Variants in MCTP1 observed in about 807,000 individuals in gnomAD.
MCTP1 encodes multiple C2 and transmembrane domain-containing protein 1.
MCTP1 carries 69 observed loss-of-function variants against 120.6 expected under a neutral mutation model. That is an observed-to-expected ratio of 0.57 (90% CI 0.47 to 0.70). The LOEUF is 0.70. Ranked by LOEUF, MCTP1 falls within the 30% of genes least tolerant of loss-of-function variation. MCTP1 has a pLI of 0.00. For synonymous variants in MCTP1, 529 were observed against 493.1 expected, an observed-to-expected ratio of 1.07 and a Z score of -0.96; for missense variants, 1,203 against 1,248.8, an observed-to-expected ratio of 0.96 and a Z score of 0.55.
At chr5:94,834,377 C>T (rs112413280) in intron 17 of MCTP1, among the ~76,000 whole-genome samples, 3 of 152,178 alleles carry the variant, frequency 2.0e-5, no homozygotes, top group African/African-American at 4.8e-5. Flanking sequence ...AATATTCAAA[C>T]ATATTCTAGA....
intron 1 of MCTP1, among the ~76,000 whole-genome samples, chr5:95,213,150 A>C (rs1752604266): frequency 6.6e-6 from 1 of 152,206 alleles, no homozygotes. Flanking sequence ...TAAGCTGATA[A>C]GCAACTTCAG....
At chr5:94,896,907 G>A (rs1282818827) in intron 10 of MCTP1, among the ~76,000 whole-genome samples, 1 of 152,102 alleles carries the variant, frequency 6.6e-6, no homozygotes, top group African/African-American at 2.4e-5. Context: ...GAGACATACA[G>A]TTAGTTATTA....
intron 17 of MCTP1, among the ~76,000 whole-genome samples, chr5:94,851,910 T>A (rs1036778888): frequency 1.3e-5 from 2 of 151,916 alleles, no homozygotes; most frequent in Non-Finnish European, 2.9e-5. Context: ...TTCCCTACTA[T>A]TGCAGTCTCA....
At chr5:94,928,102 TATC>T (rs1047704107) in intron 6 of MCTP1, among the ~76,000 whole-genome samples, 6 of 152,214 alleles carry the variant, frequency 3.9e-5, no homozygotes, top group Admixed American at 2.6e-4. Flanking sequence ...TATGTTTTTA[TATC>T]ATCACGATAA....
At chr5:94,766,759 T>C (rs887105721) in intron 19 of MCTP1, among the ~76,000 whole-genome samples, 1 of 150,650 alleles carries the variant, frequency 6.6e-6, no homozygotes, top group Non-Finnish European at 1.5e-5. Context: ...AAAACCTGAA[T>C]AGGCCAATAA....
At chr5:95,274,829 T>A (rs1411066546) in intron 1 of MCTP1, among the ~76,000 whole-genome samples, 1 of 152,088 alleles carries the variant, frequency 6.6e-6, no homozygotes, top group Non-Finnish European at 1.5e-5. Flanking sequence ...TTCATCATGT[T>A]AGCCAGGATG....
Position 95,097,478 on chromosome 5 carries a change from G to A in MCTP1, c.721-79994C>T, listed in dbSNP as rs569032482. On this transcript the variant is annotated intron_variant, in intron 1 of 22. Coordinates refer to ENST00000515393, the MANE Select transcript of MCTP1 (RefSeq NM_024717.7). ...CCTGGTACAGAAGAGACAGAAAGAA[G>A]GCCAGTGTGGCCAGAGCACTGAGAA... 2.0e-5 allele frequency among the ~76,000 whole-genome samples: 3 copies of A among 152,362 alleles called. No homozygotes were observed. The South Asian group carries it at 6.2e-4, about 32-fold the overall frequency.
rs563024905 is a variant in MCTP1 at position 94,705,981 on chromosome 5, T to G, written c.*1515A>C. On this transcript the variant is annotated 3_prime_UTR_variant, in exon 23 of 23. Coordinates refer to ENST00000515393, the MANE Select transcript of MCTP1 (RefSeq NM_024717.7). ...ATATAAACAGATCAAAATAGTTCTA[T>G]TATAAGAAATAGTATTTAACAACTT... 2 of 151,798 alleles carry G rather than the reference T, an allele frequency of 1.3e-5. No homozygotes were observed. The highest frequency in any genetic ancestry group is 2.4e-5 in the African/African-American group (1 of 41,500). 9.4% of individuals were successfully genotyped at this position (151,798 alleles called of 1,614,324 possible).
chr5:94,719,856 C>T (rs888815947), intron 19 of MCTP1, among the ~76,000 whole-genome samples: 2 of 151,974 alleles, frequency 1.3e-5, no homozygotes, highest in African/African-American at 4.8e-5. Context: ...TTGGCTGGGC[C>T]CAGTGGCTCA....
At chr5:95,126,163 C>A (rs767675682) in intron 1 of MCTP1, among the ~76,000 whole-genome samples, 1 of 152,148 alleles carries the variant, frequency 6.6e-6, no homozygotes, top group Non-Finnish European at 1.5e-5. Context: ...GAATCTCTCA[C>A]CACCAGGCCT....
intron 20 of MCTP1, among the ~76,000 whole-genome samples, chr5:94,712,633 C>CA (rs1561510532): frequency 1.3e-5 from 2 of 152,020 alleles, no homozygotes; most frequent in African/African-American, 4.8e-5. Flanking sequence ...ATCCTATTTT[C>CA]AGTAATCCCT....
intron 1 of MCTP1, among the ~76,000 whole-genome samples, chr5:95,039,304 C>T (rs72777395): frequency 0.05 from 7,646 of 152,216 alleles, 226 homozygotes; most frequent in Middle Eastern, 0.092. Context: ...AAGTTCTGGA[C>T]AGTTGTTGGA....
At chr5:94,997,602 A>G (rs1832860325) in intron 2 of MCTP1, among the ~76,000 whole-genome samples, 1 of 152,100 alleles carries the variant, frequency 6.6e-6, no homozygotes, top group South Asian at 2.1e-4. Flanking sequence ...GACTCTTTAT[A>G]ATGGGGAAGG....
chr5:94,756,886 T>C (rs934029589), intron 19 of MCTP1, among the ~76,000 whole-genome samples: 3 of 142,014 alleles, frequency 2.1e-5, no homozygotes, highest in African/African-American at 8.0e-5. Flanking sequence ...AATTTATGAC[T>C]TTTTTTTTGT....
intron 1 of MCTP1, among the ~76,000 whole-genome samples, chr5:95,040,090 A>T (rs1040387402): frequency 3.3e-5 from 5 of 152,158 alleles, no homozygotes. Context: ...TATACAATTC[A>T]TCTTGGCATG....
At chr5:95,167,648 T>A (rs1746594577) in intron 1 of MCTP1, among the ~76,000 whole-genome samples, 2 of 152,376 alleles carry the variant, frequency 1.3e-5, no homozygotes, top group South Asian at 4.1e-4. Flanking sequence ...TTTGCATTTC[T>A]CTGATGGCCA....
At chr5:94,919,971 C>T (rs963531263) in intron 7 of MCTP1, among the ~76,000 whole-genome samples, 8 of 152,180 alleles carry the variant, frequency 5.3e-5, no homozygotes, top group African/African-American at 1.9e-4. Context: ...CACCATAATC[C>T]TTAGCGAAAT....
chr5:95,002,735 T>C (rs1368513902), intron 2 of MCTP1, among the ~76,000 whole-genome samples: 1 of 152,220 alleles, frequency 6.6e-6, no homozygotes, highest in Non-Finnish European at 1.5e-5. Flanking sequence ...GGACTTGCCT[T>C]GTCTCAGATA....
intron 1 of MCTP1, among the ~76,000 whole-genome samples, chr5:95,157,920 C>T (rs947730264): frequency 2.0e-5 from 3 of 152,076 alleles, no homozygotes; most frequent in Non-Finnish European, 4.4e-5. Flanking sequence ...CAGCATGGCC[C>T]GCAAAGCCTA....
Sources: gnomAD v4.1 joint callset for allele counts (sites outside exome capture counted in the v4.1 genomes callset) on GRCh38, gnomAD v4.1.1 for gene constraint, MANE v1.5 for transcripts, NCBI Gene and HGNC (gene_info 2026-07-23, HGNC 2026-07-21) for gene names.